MAML3: variants seen among roughly 807,000 people sequenced by gnomAD.
The protein encoded by MAML3 is mastermind-like protein 3.
Under a neutral mutation model 101.9 loss-of-function variants are expected in MAML3, and 27 were observed. That is an observed-to-expected ratio of 0.27 (90% CI 0.20 to 0.37). The LOEUF is 0.37. MAML3 is among the 10% of genes least tolerant of loss of function. The pLI is 1.00. For missense variants in MAML3, 1,316 were observed against 1,444.9 expected (o/e 0.91, Z 1.45); for synonymous variants, 501 against 555.9 (o/e 0.90, Z 1.39).
intron 1 of MAML3, among the ~76,000 whole-genome samples, chr4:139,952,818 G>A (rs1231140251): frequency 2.0e-5 from 3 of 152,164 alleles, no homozygotes; most frequent in Non-Finnish European, 4.4e-5. Flanking sequence ...GCACATTAAA[G>A]TCAGGACTCC....
At chr4:139,809,465 C>T (rs1730755398) in intron 2 of MAML3, among the ~76,000 whole-genome samples, 1 of 152,192 alleles carries the variant, frequency 6.6e-6, no homozygotes, top group Non-Finnish European at 1.5e-5. Context: ...GTTACCCATG[C>T]TTATTTTGCT....
intron 3 of MAML3, among the ~76,000 whole-genome samples, chr4:139,729,449 G>A (rs561733247): frequency 3.3e-5 from 5 of 152,192 alleles, no homozygotes; most frequent in South Asian, 2.1e-4. Context: ...GTGCGACCCC[G>A]TCTCTATTTC....
Position 140,098,125 on chromosome 4 carries a change from A to G in MAML3, c.468+54735T>C, listed in dbSNP as rs80116356. 8.7e-4 allele frequency among the ~76,000 whole-genome samples: 133 copies of G among 152,342 alleles called. No homozygotes were observed. The East Asian group carries it at 0.02, about 23-fold the overall frequency. ...AGTTCTTAAGAGTTCTCACATTTTCAAAAACTGGGAGAACTTCTATTTTGC... is the reference window on the plus strand; with the variant it reads ...AGTTCTTAAGAGTTCTCACATTTTCGAAAACTGGGAGAACTTCTATTTTGC... On this transcript the variant is annotated intron_variant, in intron 1 of 4. Transcript: ENST00000509479.
At chr4:139,852,263 T>C (rs1370175582) in intron 2 of MAML3, among the ~76,000 whole-genome samples, 1 of 152,166 alleles carries the variant, frequency 6.6e-6, no homozygotes, top group Non-Finnish European at 1.5e-5. Flanking sequence ...TTATAACCTT[T>C]CTGCAAATCA....
At chr4:139,924,953 CA>C (rs1733191549) in intron 1 of MAML3, among the ~76,000 whole-genome samples, 1 of 151,610 alleles carries the variant, frequency 6.6e-6, no homozygotes, top group Admixed American at 6.6e-5. Flanking sequence ...CCCAAATTAA[CA>C]ACGGAAGGAA....
intron 1 of MAML3, among the ~76,000 whole-genome samples, chr4:139,915,868 G>C (rs1278842887): frequency 6.6e-6 from 1 of 152,138 alleles, no homozygotes; most frequent in Non-Finnish European, 1.5e-5. Context: ...GTCCAAGCCA[G>C]AGTAACCCTG....
chr4:140,136,320 T>C (rs1728881710), intron 1 of MAML3, among the ~76,000 whole-genome samples: 1 of 152,190 alleles, frequency 6.6e-6, no homozygotes, highest in South Asian at 2.1e-4. Flanking sequence ...GCCTCTCTCA[T>C]AAGCAATAAG....
chr4:139,864,923 CTTTT>C (rs56361332), intron 2 of MAML3, among the ~76,000 whole-genome samples: 1,604 of 62,434 alleles, frequency 0.026, 105 homozygotes, highest in Non-Finnish European at 0.031. Context: ...TGCAAACTTG[CTTTT>C]TTTTTTTTTT....
intron 1 of MAML3, among the ~76,000 whole-genome samples, chr4:139,971,220 G>A (rs1734229705): frequency 1.3e-5 from 2 of 151,968 alleles, no homozygotes; most frequent in Admixed American, 6.6e-5. Context: ...TACCTTCTGG[G>A]CTACCTAAAC....
chr4:140,148,578 G>A (rs1729103307), intron 1 of MAML3, among the ~76,000 whole-genome samples: 2 of 152,284 alleles, frequency 1.3e-5, no homozygotes, highest in Admixed American at 6.5e-5. Context: ...CCAAAGAAAA[G>A]GTTATCATAG....
chr4:139,937,207 G>GT (rs1311599389), intron 1 of MAML3, among the ~76,000 whole-genome samples: 4 of 152,116 alleles, frequency 2.6e-5, no homozygotes, highest in Admixed American at 6.5e-5. Context: ...TTTATTGAAT[G>GT]TTGCCCCTCA....
At chr4:139,998,878 G>T (rs1413276322) in intron 1 of MAML3, among the ~76,000 whole-genome samples, 1 of 151,894 alleles carries the variant, frequency 6.6e-6, no homozygotes, top group Non-Finnish European at 1.5e-5. Context: ...CTTCCTATTT[G>T]TTACCCCTGT....
intron 2 of MAML3, among the ~76,000 whole-genome samples, chr4:139,865,100 A>C (rs1052678439): frequency 4.6e-5 from 7 of 152,138 alleles, no homozygotes; most frequent in African/African-American, 1.4e-4. Flanking sequence ...TATTTGGGCA[A>C]AATTTAAAAT....
At chr4:139,908,815 C>CT (rs1273329133) in intron 1 of MAML3, among the ~76,000 whole-genome samples, 2 of 152,152 alleles carry the variant, frequency 1.3e-5, no homozygotes, top group African/African-American at 2.4e-5. Context: ...TGTTGGAACT[C>CT]TGAGCTTAAC....
At chr4:139,766,925 G>A (rs560557122) in intron 2 of MAML3, among the ~76,000 whole-genome samples, 1 of 152,326 alleles carries the variant, frequency 6.6e-6, no homozygotes, top group South Asian at 2.1e-4. Flanking sequence ...GTTGCCCTCT[G>A]TATTTTGGTA....
At position 140,154,107 on chromosome 4, in the gene MAML3, TCGC is replaced by T. The variant is rs576186001; in HGVS notation, c.-783_-781del. On this transcript the variant is annotated 5_prime_UTR_variant, in exon 1 of 5. Transcript: ENST00000509479. ...TGCCACCATCACAATGATCAACTGC[TCGC>T]CGCCGCCGCCGCCGCCGCCTCCTCC... is the stretch of plus-strand genomic sequence containing the variant. 6.4e-4 allele frequency: 114 copies of T among 177,930 alleles called. No homozygotes were observed. The highest frequency in any genetic ancestry group is 1.0e-3 in the Non-Finnish European group (86 of 85,324). The allele number at this position is 177,930 out of a possible 1,614,324, so 11.0% of individuals were successfully genotyped here.
At chr4:139,962,195 C>T (rs1042024885) in intron 1 of MAML3, among the ~76,000 whole-genome samples, 8 of 151,902 alleles carry the variant, frequency 5.3e-5, no homozygotes, top group African/African-American at 2.4e-5. Context: ...AAACCTATAA[C>T]TTTCTCTGTC....
intron 2 of MAML3, among the ~76,000 whole-genome samples, chr4:139,874,961 G>A (rs187191767): frequency 2.6e-5 from 4 of 151,978 alleles, no homozygotes; most frequent in African/African-American, 4.8e-5. Flanking sequence ...CTGCCACCAC[G>A]CCCGGCTAAT....
intron 1 of MAML3, among the ~76,000 whole-genome samples, chr4:139,955,862 A>G (rs1197361176): frequency 2.0e-5 from 3 of 152,198 alleles, no homozygotes; most frequent in African/African-American, 7.2e-5. Context: ...TGGAGGTCAC[A>G]TAACATAGTG....
Sources: gnomAD v4.1 joint callset for allele counts (sites outside exome capture counted in the v4.1 genomes callset) on GRCh38, gnomAD v4.1.1 for gene constraint, MANE v1.5 for transcripts, NCBI Gene and HGNC (gene_info 2026-07-23, HGNC 2026-07-21) for gene names.